Variants in ZFAND3 observed in about 807,000 individuals in gnomAD.
ZFAND3 encodes the protein zinc finger AN1-type containing 3.
In ZFAND3, 10 loss-of-function variants were observed where a neutral mutation model predicts 29.6. The ratio of observed to expected loss-of-function variants is 0.34; its 90% confidence interval spans 0.21 to 0.57. The LOEUF is 0.57. Among genes scored for constraint, ZFAND3 ranks in the 20% least tolerant of loss-of-function variants. ZFAND3 has a pLI of 0.86. For missense variants in ZFAND3, 230 were observed against 304.5 expected (o/e 0.76, Z 1.82); for synonymous variants, 128 against 112.6 (o/e 1.14, Z -0.87).
intron 2 of ZFAND3, among the ~76,000 whole-genome samples, chr6:37,938,664 CTT>C (rs1465810229): frequency 2.0e-5 from 3 of 152,188 alleles, no homozygotes; most frequent in African/African-American, 7.2e-5. Context: ...TTTCTAATCT[CTT>C]AGTCTATAGC....
chr6:38,005,637 T>C (rs1383573023), intron 2 of ZFAND3, among the ~76,000 whole-genome samples: 1 of 152,232 alleles, frequency 6.6e-6, no homozygotes, highest in African/African-American at 2.4e-5. Flanking sequence ...TTTCTTATAA[T>C]GATGGATTTT....
chr6:37,877,965 C>G (rs972481759), intron 1 of ZFAND3, among the ~76,000 whole-genome samples: 1 of 152,148 alleles, frequency 6.6e-6, no homozygotes, highest in East Asian at 1.9e-4. Context: ...TCGTGGAGAA[C>G]AGATTTTAGA....
chr6:37,880,539 C>T (rs192338386), intron 1 of ZFAND3, among the ~76,000 whole-genome samples: 1 of 152,056 alleles, frequency 6.6e-6, no homozygotes, highest in African/African-American at 2.4e-5. Flanking sequence ...TGAGATACCC[C>T]CTCTGAACCA....
At chr6:38,051,460 C>A (rs1258088819) in intron 2 of ZFAND3, among the ~76,000 whole-genome samples, 2 of 152,210 alleles carry the variant, frequency 1.3e-5, no homozygotes, top group Admixed American at 6.5e-5. Context: ...CCTCCAGCCT[C>A]TCCAGCAGTT....
chr6:38,035,170 A>AACC, intron 2 of ZFAND3, among the ~76,000 whole-genome samples: 1 of 152,020 alleles, frequency 6.6e-6, no homozygotes, highest in Non-Finnish European at 1.5e-5. Flanking sequence ...TCCTTGGTGA[A>AACC]CTATAGCTGA....
At chr6:37,955,659 A>T (rs1581790219) in intron 2 of ZFAND3, among the ~76,000 whole-genome samples, 1 of 152,334 alleles carries the variant, frequency 6.6e-6, no homozygotes, top group African/African-American at 2.4e-5. Context: ...GAATTAAATG[A>T]TGCCAGTGCT....
chr6:37,954,878 C>T (rs755258735), intron 2 of ZFAND3, among the ~76,000 whole-genome samples: 1 of 152,174 alleles, frequency 6.6e-6, no homozygotes, highest in Non-Finnish European at 1.5e-5. Context: ...AACAGTGTCC[C>T]ATGAATTGAG....
chr6:38,044,616 C>T (rs756630944), intron 2 of ZFAND3, among the ~76,000 whole-genome samples: 8 of 152,084 alleles, frequency 5.3e-5, no homozygotes, highest in Middle Eastern at 3.2e-3. Flanking sequence ...ATCTAACTAT[C>T]GAATTGATAA....
At chr6:37,885,513 A>G (rs549493796) in intron 1 of ZFAND3, among the ~76,000 whole-genome samples, 1 of 152,132 alleles carries the variant, frequency 6.6e-6, no homozygotes, top group South Asian at 2.1e-4. Flanking sequence ...GTGTGGTGGC[A>G]TACGCCTGTA....
intron 2 of ZFAND3, among the ~76,000 whole-genome samples, chr6:37,952,285 T>C (rs1762011724): frequency 6.6e-6 from 1 of 152,178 alleles, no homozygotes; most frequent in Non-Finnish European, 1.5e-5. Flanking sequence ...TGGTACCAGC[T>C]ATCCCTTATT....
At chr6:38,116,821 C>A in intron 5 of ZFAND3, 82 bp downstream of exon 5, 1 of 1,518,882 alleles carries the variant, frequency 6.6e-7, no homozygotes, top group Non-Finnish European at 8.9e-7. Flanking sequence ...TGGCTGAAGT[C>A]TTTCGTTCTT....
chr6:38,143,657 A>G (rs1257515831), intron 5 of ZFAND3, among the ~76,000 whole-genome samples: 1 of 152,234 alleles, frequency 6.6e-6, no homozygotes, highest in Non-Finnish European at 1.5e-5. Flanking sequence ...CTTCTCTTTG[A>G]AAAGCAGACA....
rs576725445 is a variant in ZFAND3 at position 37,917,399 on chromosome 6, C to T, written c.72-12560C>T. Among the ~76,000 whole-genome samples, 3 of 152,284 alleles carry T rather than the reference C, an allele frequency of 2.0e-5. No homozygotes were observed. The East Asian group carries it at 5.8e-4, about 29-fold the overall frequency. On this transcript the variant is annotated intron_variant, in intron 1 of 5. Coordinates refer to ENST00000287218, the MANE Select transcript of ZFAND3 (RefSeq NM_021943.3). ...TACCCCTGTAGCAACTGTTTTTACCCTGAAGACAGAATTATAAAGTTTACA... is the reference window on the plus strand; with the variant it reads ...TACCCCTGTAGCAACTGTTTTTACCTTGAAGACAGAATTATAAAGTTTACA...
In ZFAND3 at chr6:37,891,416, T is replaced by TCCCCCGCCCCCCCCC. The variant is rs368358350; in HGVS notation, c.72-38538_72-38537insGCCCCCCCCCCCCCC. On this transcript the variant is annotated intron_variant, in intron 1 of 5. Coordinates refer to ENST00000287218, the MANE Select transcript of ZFAND3 (RefSeq NM_021943.3). ...TTTGACAAATAGTTGGAGATTTCAG[T>TCCCCCGCCCCCCCCC]CCCCCCCCCCGCCTTTAAAATACAA... 2.6e-5 allele frequency among the ~76,000 whole-genome samples: 3 copies of TCCCCCGCCCCCCCCC among 117,136 alleles called. No individual in the cohort carries two copies. The East Asian group carries it at 8.0e-4, about 31-fold the overall frequency. The allele number at this position is 117,136 out of a possible 152,430, so 76.8% of individuals were successfully genotyped here. A position where few individuals can be genotyped will look rare whatever the true frequency, so the allele number is the denominator to read the frequency against.
At chr6:38,133,192 C>T (rs182045077) in intron 5 of ZFAND3, among the ~76,000 whole-genome samples, 122 of 152,342 alleles carry the variant, frequency 8.0e-4, no homozygotes, top group African/African-American at 2.7e-3. Flanking sequence ...TGATATATGT[C>T]TCAGAGCATA....
At chr6:38,014,977 C>T (rs1763228983) in intron 2 of ZFAND3, among the ~76,000 whole-genome samples, 1 of 152,150 alleles carries the variant, frequency 6.6e-6, no homozygotes, top group Admixed American at 6.5e-5. Context: ...TACGTTAGAT[C>T]GTTTAATTTT....
At chr6:38,132,089 G>C (rs1411589717) in intron 5 of ZFAND3, among the ~76,000 whole-genome samples, 1 of 152,224 alleles carries the variant, frequency 6.6e-6, no homozygotes, top group Non-Finnish European at 1.5e-5. Context: ...AGATAGGGTA[G>C]TGTCCTTGCT....
At chr6:37,847,646 T>C (rs1764206695) in intron 1 of ZFAND3, among the ~76,000 whole-genome samples, 1 of 152,178 alleles carries the variant, frequency 6.6e-6, no homozygotes, top group Admixed American at 6.5e-5. Flanking sequence ...CTCCATAATA[T>C]GATACATAAT....
chr6:37,850,959 G>A (rs959510780), intron 1 of ZFAND3, among the ~76,000 whole-genome samples: 2 of 151,046 alleles, frequency 1.3e-5, no homozygotes, highest in Non-Finnish European at 2.9e-5. Flanking sequence ...TGATTTTCTT[G>A]GTTTTATCTG....
Sources: gnomAD v4.1 joint callset for allele counts (sites outside exome capture counted in the v4.1 genomes callset) on GRCh38, gnomAD v4.1.1 for gene constraint, MANE v1.5 for transcripts, NCBI Gene and HGNC (gene_info 2026-07-23, HGNC 2026-07-21) for gene names.